Variants in ABLIM1 observed in about 807,000 individuals in gnomAD.
ABLIM1 encodes the protein actin-binding LIM protein 1.
A neutral mutation model predicts 107.0 loss-of-function variants in ABLIM1; 40 were observed. The ratio of observed to expected loss-of-function variants is 0.37; its 90% confidence interval spans 0.29 to 0.49. The LOEUF is 0.49. ABLIM1 is among the 20% of genes least tolerant of loss of function. ABLIM1 has a pLI of 0.97. For synonymous variants in ABLIM1, 357 were observed against 357.3 expected (o/e 1.00, Z 0.01); for missense variants, 857 against 1,008.5 (o/e 0.85, Z 2.04).
chr10:114,660,358 G>A (rs2079735410), upstream of ABLIM1, among the ~76,000 whole-genome samples: 1 of 152,044 alleles, frequency 6.6e-6, no homozygotes, highest in South Asian at 2.1e-4. Flanking sequence ...CACTGCTAGG[G>A]TGATGGGTGC....
intron 3 of ABLIM1, among the ~76,000 whole-genome samples, chr10:114,574,344 C>T (rs1005279835): frequency 6.6e-6 from 1 of 152,212 alleles, no homozygotes; most frequent in Non-Finnish European, 1.5e-5. Context: ...TTATAACATG[C>T]AGACCTCAAA....
intron 17 of ABLIM1, 38 bp from the exon 18 acceptor site, chr10:114,441,824 A>G (rs752572127): frequency 6.4e-7 from 1 of 1,562,936 alleles, no homozygotes; most frequent in Non-Finnish European, 8.8e-7. Flanking sequence ...TTGTTAGGAA[A>G]TCAGAAGGTC....
At chr10:114,798,727 C>T in the ABLIM1 span, among the ~76,000 whole-genome samples, 1 of 152,122 alleles carries the variant, frequency 6.6e-6, no homozygotes, top group African/African-American at 2.4e-5. Context: ...GGTGACAAAG[C>T]AAGACCCTGT....
At chr10:114,465,122 T>C (rs1475240149) in intron 12 of ABLIM1, among the ~76,000 whole-genome samples, 1 of 152,220 alleles carries the variant, frequency 6.6e-6, no homozygotes, top group African/African-American at 2.4e-5. Context: ...GGAAATGATT[T>C]TGTTTTCCAA....
intron 1 of ABLIM1, among the ~76,000 whole-genome samples, chr10:114,643,311 C>G (rs1167767903): frequency 6.6e-6 from 1 of 152,154 alleles, no homozygotes; most frequent in Non-Finnish European, 1.5e-5. Flanking sequence ...CTGTTGTTCT[C>G]GTGTACACAG....
intron 6 of ABLIM1, among the ~76,000 whole-genome samples, chr10:114,511,952 C>A (rs920437111): frequency 6.6e-6 from 1 of 152,232 alleles, no homozygotes; most frequent in Non-Finnish European, 1.5e-5. Flanking sequence ...CATCAACAAA[C>A]AATCTCAGGT....
At chr10:114,476,867 A>T (rs1162571944) in intron 8 of ABLIM1, among the ~76,000 whole-genome samples, 2 of 152,060 alleles carry the variant, frequency 1.3e-5, no homozygotes, top group Non-Finnish European at 2.9e-5. Flanking sequence ...TTCCAAACTT[A>T]ATGTCAAAAT....
chr10:114,723,533 C>T (rs2081894796), intron 1 of ABLIM1, among the ~76,000 whole-genome samples: 2 of 152,198 alleles, frequency 1.3e-5, no homozygotes, highest in Admixed American at 1.3e-4. Flanking sequence ...GGGCAGAATG[C>T]ACCTTGAACT....
chr10:114,526,905 C>A, intron 6 of ABLIM1: 1 of 985,540 alleles, frequency 1.0e-6, no homozygotes, highest in Non-Finnish European at 1.2e-6. Context: ...GGCAGGCACG[C>A]TCTCTCACGC....
At chr10:114,792,297 G>C in the ABLIM1 span, among the ~76,000 whole-genome samples, 1 of 152,126 alleles carries the variant, frequency 6.6e-6, no homozygotes, top group Admixed American at 6.6e-5. Flanking sequence ...TTCTAGCCTG[G>C]GTGACAGAGC....
intron 15 of ABLIM1, among the ~76,000 whole-genome samples, chr10:114,446,567 G>A (rs2061051382): frequency 6.6e-6 from 1 of 152,210 alleles, no homozygotes; most frequent in African/African-American, 2.4e-5. Context: ...TTAACTAATA[G>A]TCTTAGTTTT....
chr10:114,791,843 T>G, the ABLIM1 span, among the ~76,000 whole-genome samples: 2 of 152,162 alleles, frequency 1.3e-5, no homozygotes, highest in Non-Finnish European at 2.9e-5. Flanking sequence ...ATCAGAAAAC[T>G]TGAGAGATAG....
intron 1 of ABLIM1, among the ~76,000 whole-genome samples, chr10:114,647,219 G>T (rs914718749): frequency 6.6e-6 from 1 of 151,210 alleles, no homozygotes; most frequent in Non-Finnish European, 1.5e-5. Flanking sequence ...GACTGGTCTT[G>T]AACTGCTGAC....
intron 1 of ABLIM1, among the ~76,000 whole-genome samples, chr10:114,726,314 G>A (rs1386547000): frequency 1.3e-5 from 2 of 152,128 alleles, no homozygotes; most frequent in African/African-American, 4.8e-5. Context: ...AAACATTCGA[G>A]ACTGGGTAAT....
the ABLIM1 span, among the ~76,000 whole-genome samples, chr10:114,775,475 AG>A: frequency 6.6e-6 from 1 of 152,278 alleles, no homozygotes; most frequent in African/African-American, 2.4e-5. Context: ...GAGAGAGGTG[AG>A]GCATATTTTA....
At chr10:114,704,290 C>A (rs2081365514) in intron 1 of ABLIM1, among the ~76,000 whole-genome samples, 1 of 26,852 alleles carries the variant, frequency 3.7e-5, no homozygotes, top group Non-Finnish European at 8.3e-5. Context: ...CTCTCTCTCT[C>A]TCTCTCTCTC....
intron 1 of ABLIM1, among the ~76,000 whole-genome samples, chr10:114,760,216 A>G (rs1414441049): frequency 1.3e-5 from 2 of 152,096 alleles, no homozygotes; most frequent in South Asian, 2.1e-4. Context: ...TAAGAGTTCA[A>G]CACTGTCTAT....
intron 1 of ABLIM1, among the ~76,000 whole-genome samples, chr10:114,667,822 A>G (rs2080088666): frequency 6.6e-6 from 1 of 152,162 alleles, no homozygotes. Context: ...ACTCATCCAT[A>G]TTCCCCCATT....
intron 1 of ABLIM1, among the ~76,000 whole-genome samples, chr10:114,728,584 T>C (rs1164904410): frequency 7.0e-5 from 7 of 100,696 alleles, no homozygotes; most frequent in African/African-American, 2.4e-4. Flanking sequence ...AAAGACAAAA[T>C]GGAGAGCCAA....
Sources: gnomAD v4.1 joint callset for allele counts (sites outside exome capture counted in the v4.1 genomes callset) on GRCh38, gnomAD v4.1.1 for gene constraint, MANE v1.5 for transcripts, NCBI Gene and HGNC (gene_info 2026-07-23, HGNC 2026-07-21) for gene names.